MDGA2: variants seen among roughly 807,000 people sequenced by gnomAD.
The protein encoded by MDGA2 is MAM domain-containing glycosylphosphatidylinositol anchor protein 2.
A neutral mutation model predicts 117.8 loss-of-function variants in MDGA2; 40 were observed. The ratio of observed to expected loss-of-function variants is 0.34; its 90% CI spans 0.26 to 0.44. The LOEUF is 0.44. MDGA2 is among the 20% of genes least tolerant of loss of function. The pLI, the probability that MDGA2 is intolerant of heterozygous loss-of-function variation, is 1.00. For synonymous variants in MDGA2, 452 were observed against 439.0 expected, an observed-to-expected ratio of 1.03 and a Z score of -0.37; for missense variants, 1,123 against 1,250.6, an observed-to-expected ratio of 0.90 and a Z score of 1.54.
chr14:47,358,035 A>G (rs1891034628), intron 1 of MDGA2, among the ~76,000 whole-genome samples: 1 of 152,154 alleles, frequency 6.6e-6, no homozygotes, highest in Non-Finnish European at 1.5e-5. Flanking sequence ...TTGCACCTTG[A>G]GGTCTTGTTT....
intron 6 of MDGA2, among the ~76,000 whole-genome samples, chr14:47,084,419 A>C (rs1358144167): frequency 6.6e-6 from 1 of 152,028 alleles, no homozygotes; most frequent in South Asian, 2.1e-4. Flanking sequence ...GCACTGCTAA[A>C]TGCCTACAGT....
chr14:47,516,695 G>A lies in MDGA2; in HGVS notation c.280+157822C>T, dbSNP rs544836327. ...GGACATTGTCCCTGTTCATAGGGTC[G>A]GGCATAGCTGAAGCACTGCAGATAA... On this transcript the variant is annotated intron_variant, in intron 1 of 16. Coordinates refer to ENST00000399232, the MANE Select transcript of MDGA2 (RefSeq NM_001113498.3). Among the ~76,000 whole-genome samples, 39 of 152,210 alleles carry A rather than the reference G, an allele frequency of 2.6e-4. No individual in the cohort carries two copies. The East Asian group carries it at 4.4e-3, about 17-fold the overall frequency.
chr14:47,392,259 T>C (rs1891913019), intron 1 of MDGA2, among the ~76,000 whole-genome samples: 1 of 152,092 alleles, frequency 6.6e-6, no homozygotes, highest in African/African-American at 2.4e-5. Context: ...AAGACAAAAA[T>C]GAAGCTTAGA....
chr14:47,012,719 A>G (rs1887937824), intron 8 of MDGA2, among the ~76,000 whole-genome samples: 1 of 152,120 alleles, frequency 6.6e-6, no homozygotes, highest in Admixed American at 6.6e-5. Flanking sequence ...TTCAGTGGGA[A>G]GTTTCAGTAC....
At chr14:47,403,747 C>T (rs946605841) in intron 1 of MDGA2, among the ~76,000 whole-genome samples, 2 of 152,086 alleles carry the variant, frequency 1.3e-5, no homozygotes, top group Admixed American at 6.6e-5. Flanking sequence ...CAAAATACAG[C>T]ACCTTGGCAT....
In MDGA2 at chr14:47,215,861, T is replaced by C. The variant is rs143724792; in HGVS notation, c.595+2160A>G. ...TTCAACATGGTATGCATCACAGTGATGTTTCATTGAAATAACATAGAACGA... is the reference window on the plus strand; with the variant it reads ...TTCAACATGGTATGCATCACAGTGACGTTTCATTGAAATAACATAGAACGA... On this transcript the variant is annotated intron_variant, in intron 3 of 16. Transcript: ENST00000399232. Among the ~76,000 whole-genome samples, 154 of 152,252 alleles carry C rather than the reference T, an allele frequency of 1.0e-3. 1 individual carries two copies. The highest frequency in any genetic ancestry group is 3.5e-3 in the African/African-American group (144 of 41,582).
chr14:47,132,607 A>T (rs1882258945), intron 4 of MDGA2, among the ~76,000 whole-genome samples: 1 of 151,936 alleles, frequency 6.6e-6, no homozygotes, highest in African/African-American at 2.4e-5. Context: ...TGAAAGGAAA[A>T]AAAGAACAAA....
chr14:47,501,698 A>G lies in MDGA2; in HGVS notation c.280+172819T>C, dbSNP rs188263872. The stretch of plus-strand genomic sequence containing the variant: ...AAGATCTGGATACAAAGATTGACAC[A>G]AGTAAAAGTAATATGATGTGGAGAG... On this transcript the variant is annotated intron_variant, in intron 1 of 16. Coordinates refer to ENST00000399232, the MANE Select transcript of MDGA2 (RefSeq NM_001113498.3). Among the ~76,000 whole-genome samples the G allele has an allele frequency of 3.9e-5, 6 of 152,292 alleles. No individual in the cohort carries two copies. The East Asian group carries it at 1.2e-3, about 29-fold the overall frequency.
chr14:47,599,859 G>C (rs1896614319), intron 1 of MDGA2, among the ~76,000 whole-genome samples: 1 of 151,846 alleles, frequency 6.6e-6, no homozygotes, highest in African/African-American at 2.4e-5. Flanking sequence ...ATGAAGAAGA[G>C]GTCTTTTTGG....
intron 3 of MDGA2, among the ~76,000 whole-genome samples, chr14:47,183,952 T>C (rs1884809180): frequency 6.6e-6 from 1 of 152,036 alleles, no homozygotes; most frequent in African/African-American, 2.4e-5. Flanking sequence ...AACTTAGACA[T>C]CAATTCCAGG....
chr14:47,548,793 A>T (rs1895516098), intron 1 of MDGA2, among the ~76,000 whole-genome samples: 1 of 152,086 alleles, frequency 6.6e-6, no homozygotes, highest in South Asian at 2.1e-4. Context: ...CTAGATCTCC[A>T]GAAGTATGGC....
chr14:47,510,798 A>G (rs1452371750), intron 1 of MDGA2, among the ~76,000 whole-genome samples: 2 of 152,156 alleles, frequency 1.3e-5, no homozygotes, highest in Non-Finnish European at 2.9e-5. Flanking sequence ...CCTCCCATCA[A>G]TAGTGATTCT....
At chr14:47,199,621 A>G (rs1384835037) in intron 3 of MDGA2, among the ~76,000 whole-genome samples, 1 of 152,190 alleles carries the variant, frequency 6.6e-6, no homozygotes, top group Non-Finnish European at 1.5e-5. Context: ...CTAATAAGAT[A>G]CTACATTGAT....
At chr14:47,275,379 C>T (rs1487579708) in intron 2 of MDGA2, among the ~76,000 whole-genome samples, 5 of 152,052 alleles carry the variant, frequency 3.3e-5, no homozygotes, top group Admixed American at 2.0e-4. Context: ...TATGCTATTG[C>T]TAGTTACAGG....
chr14:46,844,072 T>C (rs1422799256), intron 16 of MDGA2, among the ~76,000 whole-genome samples: 1 of 152,166 alleles, frequency 6.6e-6, no homozygotes, highest in Non-Finnish European at 1.5e-5. Context: ...TCATCATGTT[T>C]TATTTATATC....
intron 1 of MDGA2, among the ~76,000 whole-genome samples, chr14:47,480,607 G>C (rs962429613): frequency 1.3e-5 from 2 of 151,398 alleles, no homozygotes; most frequent in Admixed American, 6.6e-5. Context: ...CTATTTTCTT[G>C]CATTTTTGCC....
At chr14:46,914,837 A>G (rs901995250) in intron 10 of MDGA2, among the ~76,000 whole-genome samples, 2 of 152,146 alleles carry the variant, frequency 1.3e-5, no homozygotes, top group Non-Finnish European at 2.9e-5. Context: ...TAGGTATTTT[A>G]TGGATAGAAG....
At chr14:46,968,571 C>A (rs1422117390) in intron 8 of MDGA2, among the ~76,000 whole-genome samples, 2 of 152,130 alleles carry the variant, frequency 1.3e-5, no homozygotes, top group African/African-American at 2.4e-5. Flanking sequence ...CAGTGACTCA[C>A]ACCTGTAATC....
At chr14:47,065,684 C>T (rs1890054722) in intron 6 of MDGA2, among the ~76,000 whole-genome samples, 2 of 151,920 alleles carry the variant, frequency 1.3e-5, no homozygotes, top group South Asian at 2.1e-4. Context: ...AATTTATTGA[C>T]AGAACAAAAA....
Sources: allele counts gnomAD v4.1 joint callset (sites outside exome capture counted in the v4.1 genomes callset), GRCh38; gene constraint gnomAD v4.1.1; transcripts MANE v1.5; gene names NCBI Gene and HGNC (gene_info 2026-07-23, HGNC 2026-07-21).